Variants in PDE8B observed in about 807,000 individuals in gnomAD.
PDE8B encodes the protein high affinity cAMP-specific and IBMX-insensitive 3',5'-cyclic phosphodiesterase 8B.
A neutral mutation model predicts 101.3 loss-of-function variants in PDE8B; 26 were observed. That is an observed-to-expected ratio of 0.26 (90% CI 0.19 to 0.36). The LOEUF is 0.36. Among genes scored for constraint, PDE8B ranks in the 10% least tolerant of loss-of-function variants. PDE8B has a pLI of 1.00. For synonymous variants in PDE8B, 424 were observed against 429.3 expected (o/e 0.99, Z 0.15); for missense variants, 810 against 1,163.1 (o/e 0.70, Z 4.42).
intron 10 of PDE8B, among the ~76,000 whole-genome samples, chr5:77,370,379 C>G (rs1183826460): frequency 6.6e-6 from 1 of 152,160 alleles, no homozygotes; most frequent in Non-Finnish European, 1.5e-5. Context: ...TTAGTTTTGC[C>G]TGTTCTAGAA....
intron 2 of PDE8B, among the ~76,000 whole-genome samples, chr5:77,318,667 A>G (rs1292679150): frequency 6.6e-6 from 1 of 152,216 alleles, no homozygotes; most frequent in East Asian, 1.9e-4. Flanking sequence ...TCACTTTCCT[A>G]GGGACATTTA....
intron 10 of PDE8B, among the ~76,000 whole-genome samples, chr5:77,362,511 A>C (rs1483929590): frequency 6.6e-6 from 1 of 152,180 alleles, no homozygotes; most frequent in African/African-American, 2.4e-5. Flanking sequence ...AATGTATAAT[A>C]AACTTATGTT....
chr5:77,305,993 G>C (rs986424802), intron 1 of PDE8B, among the ~76,000 whole-genome samples: 5 of 152,174 alleles, frequency 3.3e-5, no homozygotes, highest in African/African-American at 1.2e-4. Context: ...AAGTGGGGAA[G>C]ATTCAGACTC....
At chr5:77,387,298 G>A (rs1788914235) in intron 10 of PDE8B, among the ~76,000 whole-genome samples, 1 of 152,120 alleles carries the variant, frequency 6.6e-6, no homozygotes, top group Admixed American at 6.5e-5. Context: ...TGTCTGTAAA[G>A]GATTTTATTT....
chr5:77,161,067 A>G, the PDE8B span, among the ~76,000 whole-genome samples: 1 of 152,184 alleles, frequency 6.6e-6, no homozygotes, highest in Non-Finnish European at 1.5e-5. Context: ...TTTCAATGTA[A>G]TTGCAGTGTA....
intron 1 of PDE8B, among the ~76,000 whole-genome samples, chr5:77,230,456 T>C (rs1753341608): frequency 6.6e-6 from 1 of 152,154 alleles, no homozygotes; most frequent in South Asian, 2.1e-4. Context: ...GCCCAGCCTG[T>C]GCATTTTAAA....
chr5:77,307,126 C>A (rs1049917094), intron 1 of PDE8B, among the ~76,000 whole-genome samples: 1 of 152,160 alleles, frequency 6.6e-6, no homozygotes, highest in African/African-American at 2.4e-5. Flanking sequence ...CTGACCCCAG[C>A]CTTCCCAGTC....
At chr5:77,342,186 G>A (rs1383929521) in intron 6 of PDE8B, among the ~76,000 whole-genome samples, 1 of 152,130 alleles carries the variant, frequency 6.6e-6, no homozygotes, top group East Asian at 1.9e-4. Flanking sequence ...AGAGAACAAA[G>A]AAGTATTACT....
At chr5:77,320,887 C>G (rs1774893296) in intron 2 of PDE8B, among the ~76,000 whole-genome samples, 1 of 152,028 alleles carries the variant, frequency 6.6e-6, no homozygotes, top group Non-Finnish European at 1.5e-5. Context: ...AATACTGATA[C>G]ACAGAATATT....
intron 10 of PDE8B, among the ~76,000 whole-genome samples, chr5:77,357,722 A>AGTT (rs1782359761): frequency 6.6e-6 from 1 of 152,254 alleles, no homozygotes; most frequent in Non-Finnish European, 1.5e-5. Flanking sequence ...CAAGGACTCA[A>AGTT]GGACTCTGTA....
At chr5:77,370,890 CTAA>C (rs1278870493) in intron 10 of PDE8B, among the ~76,000 whole-genome samples, 1 of 152,194 alleles carries the variant, frequency 6.6e-6, no homozygotes, top group East Asian at 1.9e-4. Flanking sequence ...TCTCTGATGA[CTAA>C]TAATGTTGAA....
chr5:77,159,959 G>C, the PDE8B span, among the ~76,000 whole-genome samples: 1 of 152,116 alleles, frequency 6.6e-6, no homozygotes, highest in Non-Finnish European at 1.5e-5. Context: ...GCACATAATG[G>C]TTACATTTAA....
the PDE8B span, among the ~76,000 whole-genome samples, chr5:77,197,855 A>G: frequency 4.0e-5 from 6 of 149,830 alleles, no homozygotes; most frequent in Non-Finnish European, 8.9e-5. Flanking sequence ...TTCTTTTTTA[A>G]TATTTTCCAT....
intron 1 of PDE8B, among the ~76,000 whole-genome samples, chr5:77,253,272 A>T (rs6892518): frequency 0.03 from 4,556 of 152,312 alleles, 86 homozygotes; most frequent in African/African-American, 0.037. Flanking sequence ...GGATCGTAGT[A>T]ATCAAGTCAC....
chr5:77,414,696 C>T (rs1264698092), intron 17 of PDE8B, among the ~76,000 whole-genome samples: 1 of 151,922 alleles, frequency 6.6e-6, no homozygotes, highest in East Asian at 1.9e-4. Context: ...TCCCAAAGTG[C>T]TGAGATTACA....
chr5:77,398,309 G>C (rs1447081043), intron 10 of PDE8B, among the ~76,000 whole-genome samples: 1 of 138,456 alleles, frequency 7.2e-6, no homozygotes, highest in African/African-American at 2.6e-5. Context: ...TCCTAATCAA[G>C]CTGTTTTACT....
the PDE8B span, among the ~76,000 whole-genome samples, chr5:77,154,979 G>A: frequency 2.5e-3 from 388 of 152,282 alleles, 2 homozygotes; most frequent in Non-Finnish European, 4.0e-3. Context: ...AAGTGTCTGC[G>A]CAAGTGTGAG....
chr5:77,184,519 A>AT, the PDE8B span, among the ~76,000 whole-genome samples: 1 of 152,198 alleles, frequency 6.6e-6, no homozygotes, highest in Non-Finnish European at 1.5e-5. Context: ...ATATTTGACC[A>AT]TTTTTTGCCT....
At chr5:77,127,045 G>A in the PDE8B span, among the ~76,000 whole-genome samples, 1 of 152,096 alleles carries the variant, frequency 6.6e-6, no homozygotes, top group Admixed American at 6.5e-5. Flanking sequence ...GTGCTCCCAG[G>A]TCAATAAATT....
Sources: gnomAD v4.1 joint callset for allele counts (sites outside exome capture counted in the v4.1 genomes callset) on GRCh38, gnomAD v4.1.1 for gene constraint, MANE v1.5 for transcripts, NCBI Gene and HGNC (gene_info 2026-07-23, HGNC 2026-07-21) for gene names.